QRSL1: variants seen among roughly 807,000 people sequenced by gnomAD.
QRSL1 encodes the protein glutaminyl-tRNA amidotransferase subunit QRSL1, also known as glutamyl-tRNA(Gln) amidotransferase subunit A, mitochondrial.
Under a neutral mutation model 61.6 loss-of-function variants are expected in QRSL1, and 54 were observed. The observed-to-expected ratio is 0.88, with a 90% confidence interval of 0.70 to 1.10. The LOEUF (loss-of-function observed/expected upper bound fraction) is 1.10, where lower values mean the gene tolerates loss of function less well. QRSL1 is among the 50% of genes least tolerant of loss of function. QRSL1 has a pLI of 0.00. For missense variants in QRSL1, 505 were observed against 622.6 expected (o/e 0.81, Z 2.01); for synonymous variants, 228 against 225.7 (o/e 1.01, Z -0.09).
intron 4 of QRSL1, among the ~76,000 whole-genome samples, chr6:106,647,027 CAAAAAAAAAAAAAA>C (rs57402820): frequency 2.5e-5 from 2 of 81,450 alleles, no homozygotes; most frequent in African/African-American, 9.1e-5. Context: ...GACTCCTTCT[CAAAAAAAAAAAAAA>C]AAAAAAAAAA....
intron 1 of QRSL1, among the ~76,000 whole-genome samples, chr6:106,633,967 A>G (rs1776879778): frequency 6.6e-6 from 1 of 152,034 alleles, no homozygotes; most frequent in Admixed American, 6.6e-5. Flanking sequence ...AAAAAAGTAA[A>G]TGATATAATT....
intron 1 of QRSL1, among the ~76,000 whole-genome samples, chr6:106,639,119 GTTTTTTTTTTT>G (rs1177849683): frequency 5.7e-5 from 7 of 122,798 alleles, no homozygotes; most frequent in Non-Finnish European, 1.1e-4. Context: ...GTGTTTTGTT[GTTTTTTTTTTT>G]TTTTTTTTTT....
intron 1 of QRSL1, among the ~76,000 whole-genome samples, chr6:106,631,160 A>G (rs1451557154): frequency 6.6e-6 from 1 of 152,156 alleles, no homozygotes; most frequent in Non-Finnish European, 1.5e-5. Context: ...CGGGAGGCGG[A>G]GCTTGCAGTG....
chr6:106,646,564 G>C (rs1271477960), intron 4 of QRSL1, among the ~76,000 whole-genome samples: 1 of 151,986 alleles, frequency 6.6e-6, no homozygotes, highest in Non-Finnish European at 1.5e-5. Flanking sequence ...GTGGGAAACT[G>C]AGGCAGTAGG....
chr6:106,631,671 A>G (rs574856224), intron 1 of QRSL1, among the ~76,000 whole-genome samples: 153 of 152,088 alleles, frequency 1.0e-3, no homozygotes, highest in African/African-American at 3.5e-3. Flanking sequence ...TTTAAAAAAA[A>G]ATTTTAATGG....
intron 9 of QRSL1, among the ~76,000 whole-genome samples, chr6:106,658,908 G>A (rs1249597057): frequency 2.0e-5 from 3 of 151,978 alleles, no homozygotes; most frequent in African/African-American, 7.3e-5. Flanking sequence ...CTCTTCACAT[G>A]TATATTAATC....
In QRSL1 at chr6:106,652,601, TAC is replaced by T; in HGVS notation, c.849+20_849+21del. On this transcript the variant is annotated intron_variant, in intron 7 of 10. Coordinates refer to ENST00000369046, the MANE Select transcript of QRSL1 (RefSeq NM_018292.5). ...TCCAAAGGTAACTTTTTCCTTTCAT[TAC>T]TTTACAGAAATACTGTCAAGTCCAA... 6.2e-7 allele frequency: 1 copy of T among 1,614,132 alleles called. No homozygotes were observed. The highest frequency in any genetic ancestry group is 8.5e-7 in the Non-Finnish European group (1 of 1,180,004).
rs1777244045 is a variant in QRSL1 at position 106,654,923 on chromosome 6, GT to G, written c.1042+2del. On this transcript the variant is annotated splice_donor_variant, in intron 8 of 10. Coordinates refer to ENST00000369046, the MANE Select transcript of QRSL1 (RefSeq NM_018292.5). LOFTEE classifies it high-confidence loss of function. The stretch of plus-strand genomic sequence containing the variant: ...GCAAGATTTGATGGGCTACAATATG[GT>G]AAGATGGCTGGGTTATTTTATTTTT... 1.3e-6 allele frequency: 2 copies of G among 1,564,000 alleles called. No individual in the cohort carries two copies. Among genetic ancestry groups the G allele is most frequent in the East Asian group, 4.6e-5 (2 of 43,622 alleles).
intron 1 of QRSL1, among the ~76,000 whole-genome samples, chr6:106,634,282 GT>G (rs1362600538): frequency 5.3e-5 from 8 of 152,300 alleles, no homozygotes; most frequent in Admixed American, 3.9e-4. Flanking sequence ...GAGAGAAGAG[GT>G]TAGGGAGACA....
At chr6:106,640,713 T>A in intron 2 of QRSL1, 110 bp from the exon 3 acceptor site, 3 of 1,104,404 alleles carry the variant, frequency 2.7e-6, no homozygotes, top group Non-Finnish European at 2.7e-6. Flanking sequence ...AAATTTGTTT[T>A]CTGAAGAAGT....
rs570254774 is a variant in QRSL1, at chr6:106,639,378, C to T, written c.25-971C>T. On this transcript the variant is annotated intron_variant, in intron 1 of 10. Transcript: ENST00000369046. ...TGACCTTGTGATCTACCCGCCTTGG[C>T]CTCCCAAAGTGCTGGGATTACAGGC... Among the ~76,000 whole-genome samples the T allele has an allele frequency of 2.0e-5, 3 of 152,144 alleles. No homozygotes were observed. In the East Asian group the frequency reaches 5.8e-4, roughly 29 times the overall value.
intron 4 of QRSL1, among the ~76,000 whole-genome samples, chr6:106,645,886 T>G (rs1026279890): frequency 6.6e-6 from 1 of 152,254 alleles, no homozygotes; most frequent in Non-Finnish European, 1.5e-5. Context: ...TGGAATATTT[T>G]ATGTAGCAAA....
chr6:106,647,352 C>A (rs879020157), intron 4 of QRSL1, among the ~76,000 whole-genome samples: 1 of 151,710 alleles, frequency 6.6e-6, no homozygotes, highest in African/African-American at 2.4e-5. Flanking sequence ...ATTAAAATCA[C>A]AGTGAGCTTG....
Position 106,643,008 on chromosome 6 carries a change from T to TATA in QRSL1, c.301_303dup (p.Asn101dup). ...ATTTTTTTCAGGTTATATACCACCT[T>TATA]ATAATGCTACAGTAGTTCAGAAGTT... On this transcript the variant is annotated inframe_insertion, in exon 4 of 11. Coordinates refer to ENST00000369046, the MANE Select transcript of QRSL1 (RefSeq NM_018292.5). 1 of 1,609,302 alleles carries TATA rather than the reference T, an allele frequency of 6.2e-7. No individual in the cohort carries two copies. Among genetic ancestry groups the TATA allele is most frequent in the South Asian group, 1.1e-5 (1 of 89,972 alleles).
chr6:106,645,673 G>A (rs917623266), intron 4 of QRSL1, among the ~76,000 whole-genome samples: 12 of 152,140 alleles, frequency 7.9e-5, no homozygotes, highest in Non-Finnish European at 1.0e-4. Context: ...CGCCCGCCTC[G>A]TCCTCCCAAA....
At chr6:106,652,154 C>T in intron 5 of QRSL1, 55 bp from the exon 6 acceptor site, 1 of 1,486,282 alleles carries the variant, frequency 6.7e-7, no homozygotes, top group Non-Finnish European at 9.2e-7. Flanking sequence ...GGGTAGATTC[C>T]AAATATAATT....
intron 1 of QRSL1, among the ~76,000 whole-genome samples, chr6:106,633,426 C>T (rs570447183): frequency 1.0e-3 from 153 of 152,134 alleles, no homozygotes; most frequent in African/African-American, 3.5e-3. Context: ...CTTCATAATA[C>T]CTTAATTGAG....
rs533889027 is a variant in QRSL1, at chr6:106,666,089, G to A, written c.*87G>A. Reference sequence around the variant, plus strand: ...AGCACTTTGGGAGGCCAAGGCGAGCGGATCATGAGGTCAGAAGATCTAGAA... The same window carrying A: ...AGCACTTTGGGAGGCCAAGGCGAGCAGATCATGAGGTCAGAAGATCTAGAA... On this transcript the variant is annotated 3_prime_UTR_variant, in exon 11 of 11. Coordinates refer to ENST00000369046, the MANE Select transcript of QRSL1 (RefSeq NM_018292.5). 660 of 1,006,798 alleles carry A rather than the reference G, an allele frequency of 6.6e-4. 2 individuals are homozygous for A. The highest frequency in any genetic ancestry group is 8.0e-4 in the Non-Finnish European group (525 of 652,962). 62.4% of individuals were successfully genotyped at this position (1,006,798 alleles called of 1,614,324 possible). A position where few individuals can be genotyped will look rare whatever the true frequency, so the allele number is the denominator to read the frequency against.
rs1468214193 is a variant in QRSL1 at position 106,667,887 on chromosome 6, A to G, written c.*1885A>G. 1 of 151,976 alleles carries G rather than the reference A, an allele frequency of 6.6e-6. No homozygotes were observed. Among genetic ancestry groups the G allele is most frequent in the Non-Finnish European group, 1.5e-5 (1 of 68,014 alleles). 9.4% of individuals were successfully genotyped at this position (151,976 alleles called of 1,614,324 possible). Reference sequence around the variant, plus strand: ...TGGAGGAAACCATTTTAGTTGAAGGAGCAAATATGATGTCAAAAGCAAGTA... The same window carrying G: ...TGGAGGAAACCATTTTAGTTGAAGGGGCAAATATGATGTCAAAAGCAAGTA... On this transcript the variant is annotated 3_prime_UTR_variant, in exon 11 of 11. Coordinates refer to ENST00000369046, the MANE Select transcript of QRSL1 (RefSeq NM_018292.5).
Sources: allele counts gnomAD v4.1 joint callset (sites outside exome capture counted in the v4.1 genomes callset), GRCh38; gene constraint gnomAD v4.1.1; transcripts MANE v1.5; gene names NCBI Gene and HGNC (gene_info 2026-07-23, HGNC 2026-07-21).